HTRA4: variants seen among roughly 807,000 people sequenced by gnomAD.
The protein encoded by HTRA4 is HtrA serine peptidase 4, also known as serine protease HTRA4.
HTRA4 carries 46 observed loss-of-function variants against 49.1 expected under a neutral mutation model. The ratio of observed to expected loss-of-function variants is 0.94; its 90% CI spans 0.74 to 1.20. The LOEUF is 1.20. Among genes scored for constraint, HTRA4 ranks in the 50% most tolerant of loss-of-function variants. The pLI, the probability that HTRA4 is intolerant of heterozygous loss-of-function variation, is 0.00. For missense variants in HTRA4, 602 were observed against 636.9 expected, an observed-to-expected ratio of 0.95 and a Z score of 0.59; for synonymous variants, 261 against 264.0, an observed-to-expected ratio of 0.99 and a Z score of 0.11.
In HTRA4 at chr8:38,976,609, T is replaced by C; in HGVS notation, c.641T>C (p.Ile214Thr). The C allele has an allele frequency of 6.2e-7, 1 of 1,614,190 alleles. No individual in the cohort carries two copies. Among genetic ancestry groups the C allele is most frequent in the Non-Finnish European group, 8.5e-7 (1 of 1,180,032 alleles). ...GFIVSEDGLI[I>T]TNAHVVRNQQ... is the part of the protein sequence containing the mutation. The stretch of plus-strand genomic sequence containing the variant: ...ATAGTGTCTGAGGACGGGCTCATTA[T>C]TACCAATGCCCATGTTGTCAGGAAC... The change falls in exon 3 of 9, where the codon ATT becomes ACT. Residue 214 changes from isoleucine (I) to threonine (T), a missense_variant. Ile to Thr is a moderately conservative substitution (Grantham distance 89). Coordinates refer to ENST00000302495, the MANE Select transcript of HTRA4 (RefSeq NM_153692.4).
At chr8:38,974,819 G>A (rs545231868) in intron 1 of HTRA4, 90 bp downstream of exon 1, 2 of 1,285,912 alleles carry the variant, frequency 1.6e-6, no homozygotes, top group African/African-American at 1.5e-5. Context: ...CACAGTTCGC[G>A]CCTGGTCCTC....
At position 38,981,780 on chromosome 8, in the gene HTRA4, G is replaced by A. The variant is rs1490140759; in HGVS notation, c.1114+13G>A. On this transcript the variant is annotated intron_variant, in intron 6 of 8. Coordinates refer to ENST00000302495, the MANE Select transcript of HTRA4 (RefSeq NM_153692.4). ...CACCAGATGAAAGGTAAAGCAAGTT[G>A]GGATTTTTTTTTTTTTGGTTTCGTC... 1.3e-6 allele frequency: 2 copies of A among 1,581,346 alleles called. No homozygotes were observed. The highest frequency in any genetic ancestry group is 1.7e-6 in the Non-Finnish European group (2 of 1,154,906).
intron 5 of HTRA4, among the ~76,000 whole-genome samples, chr8:38,979,623 C>G (rs529032070): frequency 1.3e-5 from 2 of 152,276 alleles, no homozygotes; most frequent in African/African-American, 2.4e-5. Flanking sequence ...TGAAATTTCT[C>G]TCTTCCCCGT....
At chr8:38,987,071 G>A (rs1564183398) in intron 8 of HTRA4, among the ~76,000 whole-genome samples, 1 of 151,122 alleles carries the variant, frequency 6.6e-6, no homozygotes, top group African/African-American at 2.4e-5. Context: ...ATACTTAAGC[G>A]TCTCTTCATA....
Position 38,987,922 on chromosome 8 carries a change from T to C in HTRA4, c.1269-14T>C. ...TATAGTTTCATGATCCTCTTTTTTT[T>C]CTCCCTCTCTCAGCTCTGGATTGAG... On this transcript the variant is annotated splice_polypyrimidine_tract_variant and intron_variant, in intron 8 of 8. Coordinates refer to ENST00000302495, the MANE Select transcript of HTRA4 (RefSeq NM_153692.4). 2 of 1,534,332 alleles carry C rather than the reference T, an allele frequency of 1.3e-6. No individual in the cohort carries two copies. The highest frequency in any genetic ancestry group is 2.4e-5 in the East Asian group (1 of 41,670).
Position 38,974,685 on chromosome 8 carries a change from A to G in HTRA4, c.422A>G (p.Lys141Arg), listed in dbSNP as rs1325345300. ...AENRAARRLGKVPAVPVQWGN... is the reference protein window; with the variant it reads ...AENRAARRLGRVPAVPVQWGN... ...AACCGCGCCGCGCGCCGCCTGGGCA[A>G]GGTCCCGGCCGTGCCTGTGCAGTGG... Residue 141 changes from lysine to arginine, a missense_variant, in exon 1 of 9, where the codon AAG (lysine) becomes AGG (arginine). Lys to Arg is a conservative substitution (Grantham distance 26). Coordinates refer to ENST00000302495, the MANE Select transcript of HTRA4 (RefSeq NM_153692.4). 14 of 1,403,026 alleles carry G rather than the reference A, an allele frequency of 1.0e-5. No homozygotes were observed. The highest frequency in any genetic ancestry group is 1.6e-5 in the South Asian group (1 of 61,302). 86.9% of individuals were successfully genotyped at this position (1,403,026 alleles called of 1,614,324 possible).
chr8:38,982,006 C>A (rs1835430054), intron 6 of HTRA4, among the ~76,000 whole-genome samples: 1 of 152,040 alleles, frequency 6.6e-6, no homozygotes, highest in Non-Finnish European at 1.5e-5. Context: ...CACTGCCACG[C>A]CCAGCTCATT....
intron 4 of HTRA4, 28 bp from the exon 5 acceptor site, chr8:38,979,187 T>C (rs772833279): frequency 1.2e-6 from 2 of 1,601,666 alleles, no homozygotes; most frequent in Admixed American, 3.3e-5. Flanking sequence ...TTAGCTTCAC[T>C]GATGTCTTTT....
intron 5 of HTRA4, among the ~76,000 whole-genome samples, chr8:38,980,664 G>C (rs1401316802): frequency 6.6e-6 from 1 of 152,028 alleles, no homozygotes; most frequent in Non-Finnish European, 1.5e-5. Flanking sequence ...CTTGAACCCG[G>C]GAGGCAGAGG....
In HTRA4 at chr8:38,988,560, A is replaced by G. The variant is rs539939726; in HGVS notation, c.*462A>G. The G allele has an allele frequency of 1.3e-5, 2 of 152,904 alleles. No individual in the cohort carries two copies. The highest frequency in any genetic ancestry group is 3.8e-4 in the East Asian group (2 of 5,206). The allele number at this position is 152,904 out of a possible 1,614,324, so 9.5% of individuals were successfully genotyped here. A position where few individuals can be genotyped will look rare whatever the true frequency, so the allele number is the denominator to read the frequency against. On this transcript the variant is annotated 3_prime_UTR_variant, in exon 9 of 9. Coordinates refer to ENST00000302495, the MANE Select transcript of HTRA4 (RefSeq NM_153692.4). ...TAACACCCAGGTGATGGGTTGATTG[A>G]TAGGTGCAGCAAACCATCATGGCAC...
At chr8:38,974,878 T>C in intron 1 of HTRA4, 149 bp downstream of exon 1, 11 of 1,202,030 alleles carry the variant, frequency 9.2e-6, no homozygotes, top group Non-Finnish European at 1.3e-5. Flanking sequence ...CCTGATTTCC[T>C]TTCCTCCTTA....
rs904033785 is a variant in HTRA4 at position 38,984,163 on chromosome 8, G to A, written c.1268+1115G>A. The stretch of plus-strand genomic sequence containing the variant: ...TTACAGGCACCCGCCACCACGCTTG[G>A]TTAATTGTTGTATTTTTAGTAGAGA... On this transcript the variant is annotated intron_variant, in intron 8 of 8. Transcript: ENST00000302495. Among the ~76,000 whole-genome samples the A allele has an allele frequency of 2.0e-5, 3 of 151,818 alleles. No homozygotes were observed. In the South Asian group the frequency reaches 6.2e-4, roughly 32 times the overall value.
rs1400843451 is a variant in HTRA4, at chr8:38,974,745, G to A, written c.466+16G>A. 1 of 1,412,844 alleles carries A rather than the reference G, an allele frequency of 7.1e-7. No homozygotes were observed. The highest frequency in any genetic ancestry group is 9.2e-7 in the Non-Finnish European group (1 of 1,089,768). 87.5% of individuals were successfully genotyped at this position (1,412,844 alleles called of 1,614,324 possible). A position where few individuals can be genotyped will look rare whatever the true frequency, so the allele number is the denominator to read the frequency against. On this transcript the variant is annotated intron_variant, in intron 1 of 8. Transcript: ENST00000302495. Reference sequence around the variant, plus strand: ...GGGGATACAGGTGAGCCGCGGGGGCGCGCGCCCTCGGAACACTTTCTAACT... The same window carrying A: ...GGGGATACAGGTGAGCCGCGGGGGCACGCGCCCTCGGAACACTTTCTAACT...
Position 38,976,744 on chromosome 8 carries a change from G to A in HTRA4, c.771+5G>A, listed in dbSNP as rs371052600. On this transcript the variant is annotated splice_donor_5th_base_variant and intron_variant, in intron 3 of 8. Coordinates refer to ENST00000302495, the MANE Select transcript of HTRA4 (RefSeq NM_153692.4). Reference sequence around the variant, plus strand: ...GTGATTAAGATTGAATCAAATGTGAGTATTTCAGGGCTGAGTCAGAGTCTA... The same window carrying A: ...GTGATTAAGATTGAATCAAATGTGAATATTTCAGGGCTGAGTCAGAGTCTA... The A allele has an allele frequency of 1.9e-6, 3 of 1,613,996 alleles. No homozygotes were observed. Among genetic ancestry groups the A allele is most frequent in the East Asian group, 2.2e-5 (1 of 44,882 alleles).
chr8:38,979,393 GGCAAGACA>G, intron 5 of HTRA4, 146 bp downstream of exon 5: 1 of 769,018 alleles, frequency 1.3e-6, no homozygotes, highest in South Asian at 1.5e-5. Flanking sequence ...GACTAGCCTG[GGCAAGACA>G]GCAAGACACC....
At chr8:38,980,410 A>C (rs1395933518) in intron 5 of HTRA4, among the ~76,000 whole-genome samples, 1 of 152,044 alleles carries the variant, frequency 6.6e-6, no homozygotes, top group Non-Finnish European at 1.5e-5. Flanking sequence ...ACTGAATTAC[A>C]ATCTGTAGTT....
At chr8:38,980,844 A>G (rs1835409910) in intron 5 of HTRA4, among the ~76,000 whole-genome samples, 1 of 152,096 alleles carries the variant, frequency 6.6e-6, no homozygotes, top group African/African-American at 2.4e-5. Context: ...TCTACCTCAT[A>G]CCTTTAGCTT....
At chr8:38,979,499 G>T (rs946301702) in intron 5 of HTRA4, among the ~76,000 whole-genome samples, 1 of 152,050 alleles carries the variant, frequency 6.6e-6, no homozygotes, top group Non-Finnish European at 1.5e-5. Flanking sequence ...GCTGTGGAAT[G>T]GTGCTTTTCT....
chr8:38,976,831 AT>A, intron 3 of HTRA4, 92 bp downstream of exon 3: 1 of 1,183,216 alleles, frequency 8.5e-7, no homozygotes, highest in Non-Finnish European at 1.2e-6. Flanking sequence ...CTCACACCAC[AT>A]CTTTTCTGTT....
Sources: allele counts gnomAD v4.1 joint callset (sites outside exome capture counted in the v4.1 genomes callset), GRCh38; gene constraint gnomAD v4.1.1; transcripts MANE v1.5; gene names NCBI Gene and HGNC (gene_info 2026-07-23, HGNC 2026-07-21).